The following LRRFIP1 variants were observed in gnomAD, a reference collection of about 807,000 sequenced individuals.
LRRFIP1 encodes the protein leucine-rich repeat flightless-interacting protein 1.
LRRFIP1 carries 62 observed loss-of-function variants against 104.4 expected under a neutral mutation model. The ratio of observed to expected loss-of-function variants is 0.59; its 90% CI spans 0.48 to 0.73. The LOEUF is 0.73. Ranked by LOEUF, LRRFIP1 falls within the 30% of genes least tolerant of loss-of-function variation. The pLI is 0.00. For missense variants in LRRFIP1, 796 were observed against 824.5 expected, an observed-to-expected ratio of 0.97 and a Z score of 0.42; for synonymous variants, 300 against 299.0, an observed-to-expected ratio of 1.00 and a Z score of -0.03.
At chr2:237,726,575 A>T (rs946567440) in intron 7 of LRRFIP1, among the ~76,000 whole-genome samples, 2 of 152,206 alleles carry the variant, frequency 1.3e-5, no homozygotes, top group Admixed American at 1.3e-4. Context: ...TAATGTATTT[A>T]TTATTATGCA....
At chr2:237,665,947 T>C (rs554755742) in intron 1 of LRRFIP1, among the ~76,000 whole-genome samples, 1 of 152,376 alleles carries the variant, frequency 6.6e-6, no homozygotes, top group African/African-American at 2.4e-5. Context: ...TCCCTTAACC[T>C]GTGTGCCTTT....
At chr2:237,659,038 A>G (rs1235778198) in intron 1 of LRRFIP1, among the ~76,000 whole-genome samples, 1 of 152,206 alleles carries the variant, frequency 6.6e-6, no homozygotes, top group Non-Finnish European at 1.5e-5. Flanking sequence ...GAACTTTTCT[A>G]TACAGTAAAA....
rs1039437353 is a variant in LRRFIP1 at position 237,727,861 on chromosome 2, T to C, written c.385-15T>C. The C allele has an allele frequency of 2.5e-6, 4 of 1,598,428 alleles. No individual in the cohort carries two copies. The South Asian group carries it at 3.4e-5, about 14-fold the overall frequency. The stretch of plus-strand genomic sequence containing the variant: ...TGTACTGATGTCAGTTTTTCTCTTT[T>C]CTTCATTGAAACAGACAAATGGTTA... On this transcript the variant is annotated splice_polypyrimidine_tract_variant and intron_variant, in intron 7 of 23. Coordinates refer to ENST00000308482, the MANE Select transcript of LRRFIP1 (RefSeq NM_001137550.2).
In LRRFIP1 at chr2:237,747,237, C is replaced by G. The variant is rs2150574848; in HGVS notation, c.634-1127C>G. 1.3e-5 allele frequency among the ~76,000 whole-genome samples: 2 copies of G among 152,286 alleles called. 1 individual carries two copies. Among genetic ancestry groups the G allele is most frequent in the South Asian group, 4.1e-4 (2 of 4,824 alleles). ...CCATTTGATCCCTTAACTGGCTGAC[C>G]AGCTATAACTCCTGGTTATGTTGTT... On this transcript the variant is annotated intron_variant, in intron 11 of 23. Transcript: ENST00000308482.
At chr2:237,642,287 C>A (rs764298627) in intron 1 of LRRFIP1, among the ~76,000 whole-genome samples, 46 of 152,344 alleles carry the variant, frequency 3.0e-4, no homozygotes, top group Non-Finnish European at 6.0e-4. Context: ...AGGCCGAGGC[C>A]TGGCTTCTGT....
chr2:237,775,831 C>T (rs1467125138), intron 23 of LRRFIP1, among the ~76,000 whole-genome samples: 1 of 151,410 alleles, frequency 6.6e-6, no homozygotes, highest in Non-Finnish European at 1.5e-5. Context: ...AGAGTGAGAC[C>T]GTTTTTCATT....
chr2:237,717,803 G>A lies in LRRFIP1; in HGVS notation c.243G>A (p.Gln81=). The part of the protein sequence containing the change: ...GLDTKWGDIE[Q]WMEDSERYSR... ...ATACAAAATGGGGTGACATCGAGCA[G>A]TGGATGGTAGGCCTTGAATATAATT... Residue 81 remains glutamine (Q), a synonymous_variant, in exon 4 of 24, where the codon CAG becomes CAA. Coordinates refer to ENST00000308482, the MANE Select transcript of LRRFIP1 (RefSeq NM_001137550.2). This position sits in a 1 kb window ranked among gnomAD's most constrained non-coding sequence, Gnocchi z 4.2. 6.2e-7 allele frequency: 1 copy of A among 1,611,576 alleles called. No individual in the cohort carries two copies. Among genetic ancestry groups the A allele is most frequent in the Non-Finnish European group, 8.5e-7 (1 of 1,177,650 alleles).
Position 237,748,575 on chromosome 2 carries a change from C to T in LRRFIP1, c.669+176C>T, listed in dbSNP as rs770585453. ...GAGGTAGGCCACCGGGAGTCCTGTC[C>T]GGTGTGCGTTAGATCCTGTAGAGCA... is the stretch of plus-strand genomic sequence containing the variant. On this transcript the variant is annotated intron_variant, in intron 12 of 23. Coordinates refer to ENST00000308482, the MANE Select transcript of LRRFIP1 (RefSeq NM_001137550.2). 2.0e-5 allele frequency among the ~76,000 whole-genome samples: 3 copies of T among 151,964 alleles called. No individual in the cohort carries two copies. The South Asian group carries it at 6.2e-4, about 32-fold the overall frequency.
In LRRFIP1 at chr2:237,780,700, T is replaced by G. The variant is rs531805091; in HGVS notation, c.*1168T>G. On this transcript the variant is annotated 3_prime_UTR_variant, in exon 24 of 24. Coordinates refer to ENST00000308482, the MANE Select transcript of LRRFIP1 (RefSeq NM_001137550.2). ...TCTAGTCTTAACACATGGAGAATGC[T>G]GGAGTGAGGGTTGTGAGTTCAGGGT... Among the ~76,000 whole-genome samples, 1 of 152,184 alleles carries G rather than the reference T, an allele frequency of 6.6e-6. No homozygotes were observed. The highest frequency in any genetic ancestry group is 1.5e-5 in the Non-Finnish European group (1 of 68,024).
intron 1 of LRRFIP1, among the ~76,000 whole-genome samples, chr2:237,674,358 T>C (rs1024258217): frequency 2.0e-5 from 3 of 152,210 alleles, no homozygotes; most frequent in Admixed American, 6.5e-5. Context: ...GCATTTTCCT[T>C]CTTTTCTGTG....
At position 237,685,325 on chromosome 2, in the gene LRRFIP1, T is replaced by A. The variant is rs140290836; in HGVS notation, c.97-23219T>A. Reference sequence around the variant, plus strand: ...ACTTATTCCTAGACACTTTTTGAGATGAGTTTAATTCCAGAGTAAAATACA... The same window carrying A: ...ACTTATTCCTAGACACTTTTTGAGAAGAGTTTAATTCCAGAGTAAAATACA... On this transcript the variant is annotated intron_variant, in intron 1 of 23. Transcript: ENST00000308482. 6.3e-3 allele frequency among the ~76,000 whole-genome samples: 956 copies of A among 152,314 alleles called. 6 individuals are homozygous for A. The highest frequency in any genetic ancestry group is 0.022 in the African/African-American group (922 of 41,562).
intron 19 of LRRFIP1, chr2:237,765,872 G>C (rs898848934): frequency 5.1e-6 from 5 of 983,242 alleles, no homozygotes; most frequent in Non-Finnish European, 6.0e-6. Flanking sequence ...TGAGGAAAAC[G>C]TGTTATTATG....
At chr2:237,684,304 T>C (rs186827517) in intron 1 of LRRFIP1, 1 of 151,748 alleles carries the variant, frequency 6.6e-6, no homozygotes, top group Non-Finnish European at 1.5e-5. Context: ...AAACCCCATC[T>C]CTATTAAAAA....
intron 1 of LRRFIP1, among the ~76,000 whole-genome samples, chr2:237,675,754 A>G (rs1451705246): frequency 2.0e-5 from 3 of 152,256 alleles, no homozygotes; most frequent in African/African-American, 7.2e-5. Flanking sequence ...CTTGTGACAT[A>G]AAAACACCCA....
rs772923590 is a variant in LRRFIP1, at chr2:237,749,345, T to G, written c.795+21T>G. 2.5e-6 allele frequency: 4 copies of G among 1,611,736 alleles called. No individual in the cohort carries two copies. The African/African-American group carries it at 5.3e-5, about 22-fold the overall frequency. On this transcript the variant is annotated intron_variant, in intron 13 of 23. Coordinates refer to ENST00000308482, the MANE Select transcript of LRRFIP1 (RefSeq NM_001137550.2). The stretch of plus-strand genomic sequence containing the variant: ...TCAAGGTGAGATGCTCTCTTCTTAC[T>G]GACAACTTGAGAGAACCTTTTGTAA...
chr2:237,695,009 G>C (rs2093073584), intron 1 of LRRFIP1, among the ~76,000 whole-genome samples: 1 of 152,228 alleles, frequency 6.6e-6, no homozygotes, highest in South Asian at 2.1e-4. Flanking sequence ...AGGTGTGGGA[G>C]AGTGGAGTCT....
At chr2:237,639,947 T>C (rs561924708) in intron 1 of LRRFIP1, among the ~76,000 whole-genome samples, 2 of 152,238 alleles carry the variant, frequency 1.3e-5, no homozygotes, top group African/African-American at 4.8e-5. Context: ...AAATGGCCCA[T>C]GGGGAACAAG....
intron 1 of LRRFIP1, chr2:237,692,098 G>C: frequency 1.3e-6 from 1 of 750,408 alleles, no homozygotes. Context: ...GTCATGGGGC[G>C]GGGACGGGGC....
intron 1 of LRRFIP1, among the ~76,000 whole-genome samples, chr2:237,646,721 A>G (rs2084976167): frequency 6.6e-6 from 1 of 152,010 alleles, no homozygotes; most frequent in Non-Finnish European, 1.5e-5. Context: ...ATGCACACAC[A>G]GTGTGGGCCG....
Sources: gnomAD v4.1 joint callset for allele counts (sites outside exome capture counted in the v4.1 genomes callset) on GRCh38, gnomAD v4.1.1 for gene constraint, Gnocchi (gnomAD v3.1) non-coding constraint, MANE v1.5 for transcripts, NCBI Gene and HGNC (gene_info 2026-07-23, HGNC 2026-07-21) for gene names.